GRIA4: variants seen among roughly 807,000 people sequenced by gnomAD.
The protein encoded by GRIA4 is glutamate receptor 4.
In GRIA4, 34 loss-of-function variants were observed where a neutral mutation model predicts 104.0. The observed-to-expected ratio is 0.33, with a 90% confidence interval of 0.25 to 0.44. The LOEUF is 0.44. GRIA4 is among the 20% of genes least tolerant of loss of function. GRIA4 has a pLI of 1.00. For missense variants in GRIA4, 750 were observed against 1,096.5 expected (o/e 0.68, Z 4.46); for synonymous variants, 386 against 381.9 (o/e 1.01, Z -0.13).
chr11:105,687,661 G>C (rs76980471), intron 3 of GRIA4, among the ~76,000 whole-genome samples: 4,067 of 152,276 alleles, frequency 0.027, 100 homozygotes, highest in African/African-American at 0.065. Context: ...CAGTGACATA[G>C]TTCTCAGAAT....
At chr11:105,683,935 C>T (rs983338109) in intron 3 of GRIA4, among the ~76,000 whole-genome samples, 2 of 151,824 alleles carry the variant, frequency 1.3e-5, no homozygotes, top group Non-Finnish European at 2.9e-5. Context: ...AGTGCAATGG[C>T]GCCATCTCGG....
intron 3 of GRIA4, among the ~76,000 whole-genome samples, chr11:105,702,109 A>G (rs541525126): frequency 1.6e-4 from 25 of 152,182 alleles, no homozygotes; most frequent in African/African-American, 5.3e-4. Context: ...AATTTTAAAA[A>G]TGTGTTTAGA....
intron 9 of GRIA4, among the ~76,000 whole-genome samples, chr11:105,905,719 G>T (rs1470440631): frequency 2.0e-5 from 3 of 152,116 alleles, no homozygotes; most frequent in Non-Finnish European, 4.4e-5. Context: ...AGAATAGGCT[G>T]GGTGTTCTTG....
At chr11:105,877,207 C>A (rs1402997870) in intron 5 of GRIA4, among the ~76,000 whole-genome samples, 1 of 152,200 alleles carries the variant, frequency 6.6e-6, no homozygotes, top group Non-Finnish European at 1.5e-5. Context: ...GTTAAAAAAT[C>A]TACCCTTTAA....
intron 4 of GRIA4, among the ~76,000 whole-genome samples, chr11:105,778,870 G>T (rs1941580389): frequency 6.6e-6 from 1 of 151,038 alleles, no homozygotes; most frequent in Admixed American, 6.6e-5. Flanking sequence ...GTGCCATGTT[G>T]GTGTGCTGCA....
At chr11:105,673,847 T>G (rs1591541088) in intron 3 of GRIA4, among the ~76,000 whole-genome samples, 1 of 152,198 alleles carries the variant, frequency 6.6e-6, no homozygotes, top group South Asian at 2.1e-4. Flanking sequence ...CTTAGAAATT[T>G]TATCATTGAT....
intron 6 of GRIA4, among the ~76,000 whole-genome samples, chr11:105,894,992 G>A (rs1254409048): frequency 2.2e-5 from 3 of 138,098 alleles, no homozygotes; most frequent in Admixed American, 7.7e-5. Context: ...GTAGAGACGG[G>A]GTTTCACCTT....
At chr11:105,852,111 T>C (rs945992856) in intron 4 of GRIA4, among the ~76,000 whole-genome samples, 2 of 152,174 alleles carry the variant, frequency 1.3e-5, no homozygotes, top group East Asian at 1.9e-4. Context: ...AGGGTGAAGC[T>C]GAGTAATGAG....
chr11:105,961,488 G>C (rs918334605), intron 14 of GRIA4, among the ~76,000 whole-genome samples: 4 of 152,158 alleles, frequency 2.6e-5, no homozygotes, highest in African/African-American at 7.2e-5. Flanking sequence ...TTTAACACTT[G>C]ATATTTAAAT....
At chr11:105,927,019 C>A in intron 13 of GRIA4, 80 bp downstream of exon 13, 2 of 865,928 alleles carry the variant, frequency 2.3e-6, no homozygotes, top group Non-Finnish European at 3.8e-6. Flanking sequence ...ATACCATGGG[C>A]TTTAGCTATT....
intron 3 of GRIA4, among the ~76,000 whole-genome samples, chr11:105,664,347 C>T (rs1952102373): frequency 6.7e-6 from 1 of 150,338 alleles, no homozygotes; most frequent in Non-Finnish European, 1.5e-5. Context: ...ACCAATGTGA[C>T]CAGCAGTAGG....
chr11:105,628,082 T>G (rs764743238), intron 3 of GRIA4, among the ~76,000 whole-genome samples: 5 of 151,802 alleles, frequency 3.3e-5, no homozygotes, highest in Non-Finnish European at 5.9e-5. Context: ...TATGTGTGTA[T>G]GTGTACACAC....
At chr11:105,791,092 G>C (rs1244637068) in intron 4 of GRIA4, among the ~76,000 whole-genome samples, 1 of 152,058 alleles carries the variant, frequency 6.6e-6, no homozygotes, top group Admixed American at 6.6e-5. Context: ...CAGCACAGAT[G>C]GCCTTCTTGC....
chr11:105,873,456 G>A (rs921741114), intron 5 of GRIA4, among the ~76,000 whole-genome samples: 3 of 151,932 alleles, frequency 2.0e-5, no homozygotes, highest in African/African-American at 7.3e-5. Context: ...GGGATTGCTG[G>A]GTCAAATGGT....
intron 3 of GRIA4, among the ~76,000 whole-genome samples, chr11:105,689,335 C>A (rs905476003): frequency 6.6e-6 from 1 of 152,146 alleles, no homozygotes; most frequent in Non-Finnish European, 1.5e-5. Context: ...CCCTCCTTTG[C>A]CTGTTCTCCG....
intron 9 of GRIA4, among the ~76,000 whole-genome samples, chr11:105,906,334 T>C (rs890104023): frequency 3.3e-5 from 5 of 152,142 alleles, no homozygotes; most frequent in African/African-American, 9.7e-5. Flanking sequence ...CCCTTACTGA[T>C]CTACATAGGA....
rs1491220865 is a variant in GRIA4 at position 105,684,547 on chromosome 11, A to ATATAT, written c.248-68433_248-68429dup. ...AAATAAGGCAAATATATATATATACATATATATATATATACACACCTTTAT... is the reference window on the plus strand; with the variant it reads ...AAATAAGGCAAATATATATATATACATATATTATATATATATATACACACCTTTAT... On this transcript the variant is annotated intron_variant, in intron 3 of 16. Transcript: ENST00000282499. 1.8e-3 allele frequency among the ~76,000 whole-genome samples: 4 copies of ATATAT among 2,240 alleles called. No homozygotes were observed. The Non-Finnish European group carries it at 0.034, about 19-fold the overall frequency. 1.5% of individuals were successfully genotyped at this position (2,240 alleles called of 152,430 possible).
At chr11:105,866,145 T>C (rs1158229817) in intron 5 of GRIA4, among the ~76,000 whole-genome samples, 2 of 152,158 alleles carry the variant, frequency 1.3e-5, no homozygotes, top group Non-Finnish European at 2.9e-5. Flanking sequence ...TGTTTATTTT[T>C]AAAACGTAAA....
At chr11:105,864,882 T>A (rs1255370617) in intron 5 of GRIA4, among the ~76,000 whole-genome samples, 5 of 151,760 alleles carry the variant, frequency 3.3e-5, no homozygotes, top group Non-Finnish European at 7.4e-5. Context: ...AAAAAAAAAA[T>A]TTCTAGAAGG....
Sources: allele counts gnomAD v4.1 joint callset (sites outside exome capture counted in the v4.1 genomes callset), GRCh38; gene constraint gnomAD v4.1.1; transcripts MANE v1.5; gene names NCBI Gene and HGNC (gene_info 2026-07-23, HGNC 2026-07-21).